SGCD: variants seen among roughly 807,000 people sequenced by gnomAD.
The protein encoded by SGCD is delta-sarcoglycan.
Under a neutral mutation model 36.6 loss-of-function variants are expected in SGCD, and 18 were observed. The ratio of observed to expected loss-of-function variants is 0.49; its 90% CI spans 0.34 to 0.73. The LOEUF (loss-of-function observed/expected upper bound fraction) is 0.73, where lower values mean the gene tolerates loss of function less well. Ranked by LOEUF, SGCD falls within the 30% of genes least tolerant of loss-of-function variation. The pLI is 0.01. For synonymous variants in SGCD, 133 were observed against 130.6 expected, an observed-to-expected ratio of 1.02 and a Z score of -0.12; for missense variants, 387 against 346.7, an observed-to-expected ratio of 1.12 and a Z score of -0.92.
At chr5:155,831,195 T>G in the SGCD span, among the ~76,000 whole-genome samples, 2 of 152,216 alleles carry the variant, frequency 1.3e-5, no homozygotes, top group Admixed American at 1.3e-4. Flanking sequence ...GCTACTGAGA[T>G]GAACTGTTAC....
the SGCD span, among the ~76,000 whole-genome samples, chr5:155,841,110 G>A: frequency 6.7e-6 from 1 of 149,788 alleles, no homozygotes; most frequent in African/African-American, 2.5e-5. Flanking sequence ...GTTAACAGAT[G>A]TACAGGCCGA....
chr5:156,129,283 G>C (rs1762252722), intron 3 of SGCD, among the ~76,000 whole-genome samples: 1 of 152,090 alleles, frequency 6.6e-6, no homozygotes, highest in Non-Finnish European at 1.5e-5. Flanking sequence ...TTTGATCCTT[G>C]AAACAACTCT....
At chr5:156,677,540 A>G (rs1308354154) in intron 7 of SGCD, among the ~76,000 whole-genome samples, 2 of 148,226 alleles carry the variant, frequency 1.3e-5, no homozygotes, top group African/African-American at 4.9e-5. Flanking sequence ...GGCCTGTTGT[A>G]GGGTTGGGGG....
the SGCD span, among the ~76,000 whole-genome samples, chr5:155,818,094 T>C: frequency 1.3e-5 from 2 of 152,036 alleles, no homozygotes; most frequent in Non-Finnish European, 2.9e-5. Context: ...GTGAGCCAGG[T>C]TATGATTTAG....
chr5:155,728,005 C>T, the SGCD span, among the ~76,000 whole-genome samples: 5 of 152,168 alleles, frequency 3.3e-5, no homozygotes, highest in African/African-American at 1.2e-4. Context: ...TGGAGCTCCC[C>T]CCACCCCGCC....
chr5:156,069,731 C>T (rs973723793), intron 1 of SGCD, among the ~76,000 whole-genome samples: 79 of 148,158 alleles, frequency 5.3e-4, no homozygotes, highest in Middle Eastern at 6.8e-3. Context: ...GCCATTTTCA[C>T]GATATTGATT....
chr5:155,911,319 G>GTGTGTC (rs145927722), intron 1 of SGCD, among the ~76,000 whole-genome samples: 25 of 141,380 alleles, frequency 1.8e-4, no homozygotes, highest in Non-Finnish European at 3.1e-4. Flanking sequence ...GTGTGTGTGT[G>GTGTGTC]TATATATATA....
At chr5:156,541,978 G>T (rs1218878107) in intron 4 of SGCD, among the ~76,000 whole-genome samples, 3 of 152,102 alleles carry the variant, frequency 2.0e-5, no homozygotes, top group African/African-American at 7.2e-5. Flanking sequence ...CTAGCATTGT[G>T]CTAGGCATCT....
chr5:156,749,552 A>T (rs1757072304), intron 7 of SGCD, among the ~76,000 whole-genome samples: 1 of 152,196 alleles, frequency 6.6e-6, no homozygotes, highest in Non-Finnish European at 1.5e-5. Context: ...TGGGACAAAA[A>T]AAAGACAGAC....
At chr5:156,399,501 C>CT (rs1375402703) in intron 3 of SGCD, among the ~76,000 whole-genome samples, 1 of 152,184 alleles carries the variant, frequency 6.6e-6, no homozygotes, top group East Asian at 1.9e-4. Context: ...TACTGGCCAG[C>CT]TTCCTTGATG....
At chr5:156,513,942 A>C (rs1178565388) in intron 4 of SGCD, among the ~76,000 whole-genome samples, 1 of 152,246 alleles carries the variant, frequency 6.6e-6, no homozygotes, top group Non-Finnish European at 1.5e-5. Context: ...CAACCATGAC[A>C]TCCAAAGGCA....
At chr5:156,247,854 G>T (rs994230412) in intron 3 of SGCD, among the ~76,000 whole-genome samples, 1 of 152,152 alleles carries the variant, frequency 6.6e-6, no homozygotes, top group East Asian at 1.9e-4. Context: ...GCCTTGTGTT[G>T]CAATAAGCCT....
the SGCD span, among the ~76,000 whole-genome samples, chr5:155,864,202 C>G: frequency 1.3e-5 from 2 of 152,128 alleles, no homozygotes; most frequent in East Asian, 3.9e-4. Context: ...CATGGAAAAT[C>G]AGGTGGCCAA....
At chr5:156,533,187 C>T (rs548587610) in intron 4 of SGCD, among the ~76,000 whole-genome samples, 1 of 152,144 alleles carries the variant, frequency 6.6e-6, no homozygotes, top group African/African-American at 2.4e-5. Context: ...CCTCACACCC[C>T]CTCTGATGGC....
the SGCD span, among the ~76,000 whole-genome samples, chr5:155,762,365 C>T: frequency 1.3e-5 from 2 of 152,302 alleles, no homozygotes; most frequent in South Asian, 4.1e-4. Flanking sequence ...GATTTTCTGA[C>T]CTCTCTGCTA....
intron 7 of SGCD, among the ~76,000 whole-genome samples, chr5:156,755,439 C>A (rs11135382): frequency 0.089 from 13,495 of 152,156 alleles, 895 homozygotes; most frequent in African/African-American, 0.18. Context: ...GGAGAGAAAA[C>A]ACAGAGAATG....
the SGCD span, among the ~76,000 whole-genome samples, chr5:155,862,062 GAT>G: frequency 6.6e-6 from 1 of 152,184 alleles, no homozygotes; most frequent in Non-Finnish European, 1.5e-5. Flanking sequence ...GTCCCAGAGA[GAT>G]ATATCTCAGG....
At chr5:155,758,998 GA>G in the SGCD span, among the ~76,000 whole-genome samples, 4 of 150,790 alleles carry the variant, frequency 2.7e-5, no homozygotes, top group Non-Finnish European at 5.9e-5. Flanking sequence ...GAGTTTTTAT[GA>G]TTTTTTTTAT....
rs865794777 is a variant in SGCD, at chr5:156,280,271, C to T, written c.-43-49263C>T. Among the ~76,000 whole-genome samples, 5 of 152,124 alleles carry T rather than the reference C, an allele frequency of 3.3e-5. No homozygotes were observed. The South Asian group carries it at 8.3e-4, about 25-fold the overall frequency. On this transcript the variant is annotated intron_variant, in intron 3 of 9. Coordinates refer to the SGCD transcript ENST00000517913. ...CTCATCCAACAGATTGGGTTTTCCA[C>T]GGCATTGTATTAATAGGTATCCAAT...
Sources: allele counts gnomAD v4.1 joint callset (sites outside exome capture counted in the v4.1 genomes callset), GRCh38; gene constraint gnomAD v4.1.1; transcripts MANE v1.5; gene names NCBI Gene and HGNC (gene_info 2026-07-23, HGNC 2026-07-21).